Variants in PCSK6 observed in about 807,000 individuals in gnomAD.
PCSK6 encodes the protein proprotein convertase subtilisin/kexin type 6.
PCSK6 carries 85 observed loss-of-function variants against 123.3 expected under a neutral mutation model. That is an observed-to-expected ratio of 0.69 (90% CI 0.58 to 0.83). The LOEUF is 0.83. Among genes scored for constraint, PCSK6 ranks in the 40% least tolerant of loss-of-function variants. The probability of loss-of-function intolerance (pLI) is 0.00; values close to 1 mark genes in which losing one functional copy is unlikely to be tolerated. For synonymous variants in PCSK6, 508 were observed against 516.0 expected (o/e 0.98, Z 0.21); for missense variants, 1,191 against 1,282.3 (o/e 0.93, Z 1.09).
chr15:101,440,311 A>C lies in PCSK6; in HGVS notation c.402+3245T>G, dbSNP rs939847013. Among the ~76,000 whole-genome samples, 13 of 152,366 alleles carry C rather than the reference A, an allele frequency of 8.5e-5. No individual in the cohort carries two copies. In the East Asian group the frequency reaches 2.5e-3, roughly 29 times the overall value. On this transcript the variant is annotated intron_variant, in intron 2 of 21. Transcript: ENST00000611716. ...AGACGGTAAGAAAAACATCAAGTAAAGGTAATTAAGAATGCAAGGAAAATG... is the reference window on the plus strand; with the variant it reads ...AGACGGTAAGAAAAACATCAAGTAACGGTAATTAAGAATGCAAGGAAAATG...
chr15:101,424,910 T>C (rs2056203125), intron 6 of PCSK6, among the ~76,000 whole-genome samples: 1 of 152,184 alleles, frequency 6.6e-6, no homozygotes. Context: ...TAATACTGGA[T>C]ATGCCGCTGA....
intron 13 of PCSK6, among the ~76,000 whole-genome samples, chr15:101,349,717 C>A (rs117506263): frequency 0.024 from 3,593 of 152,218 alleles, 63 homozygotes; most frequent in South Asian, 0.095. Context: ...GGTCTCCCAG[C>A]CCGTCACCGG....
At chr15:101,453,900 G>A (rs1430228281) in intron 1 of PCSK6, among the ~76,000 whole-genome samples, 1 of 152,222 alleles carries the variant, frequency 6.6e-6, no homozygotes, top group Admixed American at 6.5e-5. Flanking sequence ...GACTGTGTCT[G>A]TGACCTTGAG....
At chr15:101,409,563 C>A (rs111875071) in intron 6 of PCSK6, among the ~76,000 whole-genome samples, 2 of 139,330 alleles carry the variant, frequency 1.4e-5, no homozygotes, top group South Asian at 2.3e-4. Context: ...CCAGCCTGGG[C>A]GACAGAGTAA....
intron 13 of PCSK6, among the ~76,000 whole-genome samples, chr15:101,340,152 C>T (rs1457871260): frequency 3.3e-5 from 5 of 152,062 alleles, no homozygotes; most frequent in South Asian, 2.1e-4. Context: ...TGTACACACA[C>T]GTCCATGGAT....
chr15:101,474,302 A>G (rs1467530590), intron 1 of PCSK6, among the ~76,000 whole-genome samples: 1 of 152,190 alleles, frequency 6.6e-6, no homozygotes, highest in Non-Finnish European at 1.5e-5. Flanking sequence ...ATAAACTCCA[A>G]CTGGGACAAG....
In PCSK6 at chr15:101,332,005, G is replaced by A. The variant is rs749132033; in HGVS notation, c.1885C>T (p.Leu629=). ...TACGGGTGCTCTGCTGTGCCATACA[G>A]TATGAGGCTCCATTCTTTCAACTTC... ...QGKLKEWSLI[L]YGTAEHPYHT... is the part of the protein sequence containing the mutation. Residue 629 remains leucine, a synonymous_variant, in exon 14 of 22, where the codon CTG becomes TTG. Coordinates refer to ENST00000611716, the MANE Select transcript of PCSK6 (RefSeq NM_002570.5). 1.9e-6 allele frequency: 3 copies of A among 1,604,084 alleles called. No individual in the cohort carries two copies. Among genetic ancestry groups the A allele is most frequent in the Non-Finnish European group, 1.7e-6 (2 of 1,173,600 alleles).
chr15:101,429,771 T>A (rs1015510994), intron 5 of PCSK6, among the ~76,000 whole-genome samples: 3 of 152,228 alleles, frequency 2.0e-5, no homozygotes, highest in Admixed American at 6.5e-5. Flanking sequence ...CCGGCAGCGG[T>A]GACACCCCAG....
At chr15:101,453,412 A>G (rs1390875642) in intron 1 of PCSK6, among the ~76,000 whole-genome samples, 1 of 152,126 alleles carries the variant, frequency 6.6e-6, no homozygotes, top group African/African-American at 2.4e-5. Context: ...GCTGCTCGCT[A>G]ACTTCCCTGT....
At chr15:101,395,049 A>G (rs2042364953) in intron 7 of PCSK6, among the ~76,000 whole-genome samples, 1 of 152,230 alleles carries the variant, frequency 6.6e-6, no homozygotes, top group Non-Finnish European at 1.5e-5. Flanking sequence ...GCCGGTTTAA[A>G]GCAACTACAA....
At chr15:101,366,429 C>T (rs2141454140) in intron 12 of PCSK6, 97 bp from the exon 13 acceptor site, 1 of 1,289,276 alleles carries the variant, frequency 7.8e-7, no homozygotes, top group Non-Finnish European at 1.1e-6. Context: ...GACTGTATGA[C>T]CTGGCTGGAC....
chr15:101,374,740 C>T (rs185367289), intron 11 of PCSK6, among the ~76,000 whole-genome samples: 32 of 152,354 alleles, frequency 2.1e-4, no homozygotes, highest in Non-Finnish European at 4.3e-4. Flanking sequence ...TTGGGACAGA[C>T]TTGCTAAATT....
intron 6 of PCSK6, among the ~76,000 whole-genome samples, chr15:101,418,562 C>T (rs943632185): frequency 6.7e-5 from 10 of 148,194 alleles, no homozygotes; most frequent in African/African-American, 2.5e-4. Context: ...TACAGGGCTG[C>T]AGTGCAGTGG....
intron 2 of PCSK6, among the ~76,000 whole-genome samples, chr15:101,432,362 C>T (rs559122156): frequency 1.9e-4 from 29 of 151,490 alleles, no homozygotes; most frequent in Middle Eastern, 3.4e-3. Context: ...AGTGCTCACG[C>T]CTGTCATCCC....
intron 1 of PCSK6, among the ~76,000 whole-genome samples, chr15:101,444,436 G>C (rs1322638551): frequency 1.3e-5 from 2 of 152,088 alleles, no homozygotes; most frequent in African/African-American, 4.8e-5. Flanking sequence ...CCTCCAAAAA[G>C]GATTTTAAAA....
At chr15:101,406,617 G>A (rs2141604397) in intron 6 of PCSK6, among the ~76,000 whole-genome samples, 1 of 152,258 alleles carries the variant, frequency 6.6e-6, no homozygotes, top group Middle Eastern at 3.4e-3. Flanking sequence ...AAAGGTTTCT[G>A]TCAACCCTCA....
At chr15:101,351,839 A>G (rs909539817) in intron 13 of PCSK6, among the ~76,000 whole-genome samples, 1 of 152,200 alleles carries the variant, frequency 6.6e-6, no homozygotes, top group Admixed American at 6.5e-5. Context: ...CAGAAGACTC[A>G]ATTCAACTGA....
chr15:101,487,753 G>C (rs947735623), intron 1 of PCSK6, among the ~76,000 whole-genome samples: 2 of 152,164 alleles, frequency 1.3e-5, no homozygotes, highest in East Asian at 3.9e-4. Flanking sequence ...CAAACATGAG[G>C]AACACCTTCT....
At chr15:101,327,492 G>T (rs367835298) in intron 15 of PCSK6, among the ~76,000 whole-genome samples, 1 of 152,164 alleles carries the variant, frequency 6.6e-6, no homozygotes, top group African/African-American at 2.4e-5. Context: ...AGGGGACCCC[G>T]ACAGCTCTGA....
Sources: allele counts gnomAD v4.1 joint callset (sites outside exome capture counted in the v4.1 genomes callset), GRCh38; gene constraint gnomAD v4.1.1; transcripts MANE v1.5; gene names NCBI Gene and HGNC (gene_info 2026-07-23, HGNC 2026-07-21).